Variants in SPON1 observed in about 807,000 individuals in gnomAD.
The protein encoded by SPON1 is spondin-1.
In SPON1, 52 loss-of-function variants were observed where a neutral mutation model predicts 111.7. The observed-to-expected ratio is 0.47, with a 90% CI of 0.37 to 0.59. SPON1 has a LOEUF of 0.59. Ranked by LOEUF, SPON1 falls within the 20% of genes least tolerant of loss-of-function variation. SPON1 has a pLI of 0.00. For synonymous variants in SPON1, 410 were observed against 395.8 expected, an observed-to-expected ratio of 1.04 and a Z score of -0.43; for missense variants, 957 against 1,068.5, an observed-to-expected ratio of 0.90 and a Z score of 1.46.
At chr11:14,141,045 C>T (rs1477741887) in intron 6 of SPON1, among the ~76,000 whole-genome samples, 1 of 141,230 alleles carries the variant, frequency 7.1e-6, no homozygotes, top group African/African-American at 2.6e-5. Flanking sequence ...CCACTTCTCA[C>T]TGGCTCAAGA....
chr11:14,160,940 T>C (rs1356141664), intron 6 of SPON1, among the ~76,000 whole-genome samples: 5 of 53,294 alleles, frequency 9.4e-5, no homozygotes, highest in Admixed American at 7.7e-4. Flanking sequence ...TATTTATATA[T>C]ATATTTATAT....
At chr11:14,030,553 A>G (rs532704527) in intron 2 of SPON1, among the ~76,000 whole-genome samples, 2 of 152,294 alleles carry the variant, frequency 1.3e-5, no homozygotes, top group Admixed American at 1.3e-4. Flanking sequence ...AGCAAGTGAG[A>G]TTTTAAAAGA....
chr11:14,152,677 A>T (rs1847802006), intron 6 of SPON1, among the ~76,000 whole-genome samples: 1 of 152,244 alleles, frequency 6.6e-6, no homozygotes. Flanking sequence ...AAGTGCATAT[A>T]TGTAACCAAG....
In SPON1 at chr11:14,262,861, C is replaced by T. The variant is rs750075222; in HGVS notation, c.2146C>T (p.Arg716Cys). 7.4e-6 allele frequency: 12 copies of T among 1,613,660 alleles called. No individual in the cohort carries two copies. Among genetic ancestry groups the T allele is most frequent in the African/African-American group, 1.3e-5 (1 of 74,846 alleles). ...CPETVQRKKC[R>C]IRKCLRNPSI... is the part of the protein sequence containing the mutation. ...AGAGACTGTGCAGCGAAAAAAGTGCCGCATCCGAAAATGCCTTCGAAATCC... is the reference window on the plus strand; with the variant it reads ...AGAGACTGTGCAGCGAAAAAAGTGCTGCATCCGAAAATGCCTTCGAAATCC... Residue 716 changes from arginine to cysteine, a missense_variant, in exon 15 of 16, where the codon CGC becomes TGC. Physicochemically the swap from Arg to Cys is radical, Grantham distance 180 (BLOSUM62 -3). This residue lies in a region of SPON1 where 549 missense variants were observed against 606.2 expected (regional missense o/e 0.91). Transcript: ENST00000576479.
At position 14,038,870 on chromosome 11, in the gene SPON1, T is replaced by G. The variant is rs117905752; in HGVS notation, c.346-2651T>G. On this transcript the variant is annotated intron_variant, in intron 2 of 15. Coordinates refer to ENST00000576479, the MANE Select transcript of SPON1 (RefSeq NM_006108.4). ...GTATTTACCCAAATGAACTAAAAAT[T>G]TTATGTCCACCCAAAAACCTGCACA... 7.5e-3 allele frequency among the ~76,000 whole-genome samples: 1,135 copies of G among 152,310 alleles called. 8 individuals are homozygous for G. Among genetic ancestry groups the G allele is most frequent in the Non-Finnish European group, 0.012 (796 of 68,030 alleles).
chr11:14,235,678 C>CAAAAAAAAAAAAAAAAAAAAA (rs56925967), intron 6 of SPON1, among the ~76,000 whole-genome samples: 1 of 71,390 alleles, frequency 1.4e-5, no homozygotes, highest in South Asian at 6.3e-4. Context: ...GACCCTGCCT[C>CAAAAAAAAAAAAAAAAAAAAA]AAAAAAAAAA....
At chr11:14,062,566 C>T (rs1384335301) in intron 3 of SPON1, among the ~76,000 whole-genome samples, 1 of 152,114 alleles carries the variant, frequency 6.6e-6, no homozygotes, top group Non-Finnish European at 1.5e-5. Context: ...TCCAAATTGG[C>T]AGGAGAGTGA....
In SPON1 at chr11:14,257,877, G is replaced by A; in HGVS notation, c.1471G>A (p.Gly491Ser). 6.4e-7 allele frequency: 1 copy of A among 1,565,262 alleles called. No individual in the cohort carries two copies. ...PDTQDFQPCM[G>S]PGCSDEDGST... is the part of the protein sequence containing the mutation. ...CACCCAGGACTTCCAGCCCTGCATG[G>A]GCCCTGGCTGCAGTGACGAAGGTGA... Residue 491 changes from glycine (G) to serine (S), a missense_variant, in exon 11 of 16, where the codon GGC becomes AGC. Gly to Ser is a moderately conservative substitution (Grantham distance 56). Coordinates refer to ENST00000576479, the MANE Select transcript of SPON1 (RefSeq NM_006108.4).
chr11:13,986,692 T>C (rs1554910418), intron 2 of SPON1, among the ~76,000 whole-genome samples: 2 of 152,090 alleles, frequency 1.3e-5, no homozygotes, highest in Admixed American at 6.5e-5. Flanking sequence ...TAGATATTTC[T>C]CCTAATGTTA....
intron 6 of SPON1, among the ~76,000 whole-genome samples, chr11:14,240,569 C>G (rs1848914039): frequency 6.8e-6 from 1 of 147,340 alleles, no homozygotes; most frequent in African/African-American, 2.5e-5. Context: ...TGATCTTGGC[C>G]AAAAGGCCAA....
chr11:14,139,325 A>C (rs1554928511), intron 6 of SPON1, among the ~76,000 whole-genome samples: 1 of 152,152 alleles, frequency 6.6e-6, no homozygotes, highest in East Asian at 1.9e-4. Flanking sequence ...TGCCTCTTCC[A>C]GGAGGCTTTC....
intron 6 of SPON1, 144 bp from the exon 7 acceptor site, chr11:14,243,188 C>T (rs1389039722): frequency 1.4e-6 from 1 of 733,102 alleles, no homozygotes; most frequent in Admixed American, 2.2e-5. Flanking sequence ...TCCCCCATCC[C>T]AGAGAGAGGT....
At chr11:14,006,973 G>T (rs1255726140) in intron 2 of SPON1, among the ~76,000 whole-genome samples, 11 of 152,152 alleles carry the variant, frequency 7.2e-5, no homozygotes, top group Admixed American at 7.2e-4. Flanking sequence ...CAAAATTAAG[G>T]TGTCAACAGG....
intron 6 of SPON1, among the ~76,000 whole-genome samples, chr11:14,208,402 T>C (rs1372634862): frequency 1.3e-5 from 2 of 152,224 alleles, no homozygotes; most frequent in African/African-American, 4.8e-5. Flanking sequence ...TCCTTATACG[T>C]TATTGATTGT....
At chr11:14,155,590 G>A (rs368652907) in intron 6 of SPON1, among the ~76,000 whole-genome samples, 5 of 151,304 alleles carry the variant, frequency 3.3e-5, no homozygotes, top group Non-Finnish European at 7.4e-5. Flanking sequence ...ATGCTGGTGC[G>A]CTGCACCCAC....
At chr11:14,010,179 G>A (rs1456406747) in intron 2 of SPON1, among the ~76,000 whole-genome samples, 6 of 152,140 alleles carry the variant, frequency 3.9e-5, no homozygotes, top group African/African-American at 1.4e-4. Flanking sequence ...CATGTTGGAG[G>A]GCCCCACAGC....
At chr11:14,100,516 T>A (rs1348853811) in intron 5 of SPON1, among the ~76,000 whole-genome samples, 1 of 152,254 alleles carries the variant, frequency 6.6e-6, no homozygotes. Context: ...CACGTACTTA[T>A]GTTTATCTCT....
chr11:14,058,647 TTCC>T (rs1554919516), intron 3 of SPON1, among the ~76,000 whole-genome samples: 1 of 152,168 alleles, frequency 6.6e-6, no homozygotes, highest in African/African-American at 2.4e-5. Flanking sequence ...TCAATGAATG[TTCC>T]TCTTTTTCTG....
At chr11:14,067,021 G>T (rs1848837944) in intron 3 of SPON1, among the ~76,000 whole-genome samples, 1 of 152,006 alleles carries the variant, frequency 6.6e-6, no homozygotes. Flanking sequence ...AAAAAAAAAT[G>T]TAAAAAGCAG....
Sources: gnomAD v4.1 joint callset for allele counts (sites outside exome capture counted in the v4.1 genomes callset) on GRCh38, gnomAD v4.1.1 for gene constraint, gnomAD v4.1.1 regional missense constraint, MANE v1.5 for transcripts, NCBI Gene and HGNC (gene_info 2026-07-23, HGNC 2026-07-21) for gene names.